The following CHRD variants were observed in gnomAD, a reference collection of about 807,000 sequenced individuals.
CHRD encodes chordin.
Under a neutral mutation model 113.7 loss-of-function variants are expected in CHRD, and 69 were observed. That is an observed-to-expected ratio of 0.61 (90% CI 0.50 to 0.74). The LOEUF is 0.74. CHRD is among the 30% of genes least tolerant of loss of function. The probability of loss-of-function intolerance (pLI) is 0.00; values close to 1 mark genes in which losing one functional copy is unlikely to be tolerated. For synonymous variants in CHRD, 561 were observed against 540.8 expected, an observed-to-expected ratio of 1.04 and a Z score of -0.52; for missense variants, 1,194 against 1,295.8, an observed-to-expected ratio of 0.92 and a Z score of 1.21.
At chr3:184,385,581 G>A (rs976293252) in intron 14 of CHRD, among the ~76,000 whole-genome samples, 3 of 146,546 alleles carry the variant, frequency 2.0e-5, no homozygotes, top group Non-Finnish European at 1.5e-5. Flanking sequence ...CAGGAGAATC[G>A]CTTGAACCTG....
Position 184,381,175 on chromosome 3 carries a change from G to C in CHRD, c.253-60G>C. On this transcript the variant is annotated intron_variant, in intron 2 of 22. Coordinates refer to ENST00000204604, the Ensembl canonical transcript of CHRD. The surrounding 1 kb of genome is among the most constrained non-coding windows in gnomAD (Gnocchi z 4.7). ...GACTCTGCGGGACATCCTTGCCTGG[G>C]GGGGTCTCATCAGTTGGCATCTTGC... is the stretch of plus-strand genomic sequence containing the variant. 6.2e-7 allele frequency: 1 copy of C among 1,600,564 alleles called. No homozygotes were observed. Among genetic ancestry groups the C allele is most frequent in the African/African-American group, 1.3e-5 (1 of 74,816 alleles).
At position 184,387,092 on chromosome 3, in the gene CHRD, C is replaced by T. The variant is rs763421267; in HGVS notation, c.2332C>T (p.Arg778Trp). Residue 778 changes from arginine to tryptophan, a missense_variant, in exon 18 of 23, where the codon CGG (arginine) becomes TGG (tryptophan). By Grantham distance (101) the Arg-to-Trp change is moderately radical. Transcript: ENST00000204604. This position sits in a 1 kb window ranked among gnomAD's most constrained non-coding sequence, Gnocchi z 6.1. ...AGACTTGCCAGGGCTGCCAAGGAGCCGGGACCCAGGAGAGGGTGAGCTGGA... is the reference window on the plus strand; with the variant it reads ...AGACTTGCCAGGGCTGCCAAGGAGCTGGGACCCAGGAGAGGGTGAGCTGGA... 48 of 1,613,822 alleles carry T rather than the reference C, an allele frequency of 3.0e-5. No individual in the cohort carries two copies. In the African/African-American group the frequency reaches 3.9e-4, roughly 13 times the overall value.
chr3:184,383,585 G>A, exon 12 of CHRD: 2 of 1,614,094 alleles, frequency 1.2e-6, no homozygotes, highest in Non-Finnish European at 1.7e-6. Flanking sequence ...AGCCTCAGCG[G>A]AGGGATCAGC....
At position 184,383,331 on chromosome 3, in the gene CHRD, T is replaced by TG; in HGVS notation, c.1237dup (p.Ala413GlyfsTer2). The TG allele has an allele frequency of 6.2e-7, 1 of 1,613,666 alleles. No homozygotes were observed. Among genetic ancestry groups the TG allele is most frequent in the Non-Finnish European group, 8.5e-7 (1 of 1,179,972 alleles). On this transcript the variant is annotated frameshift_variant, in exon 11 of 23. Coordinates refer to ENST00000204604, the Ensembl canonical transcript of CHRD. LOFTEE classifies it high-confidence loss of function. Reference sequence around the variant, plus strand: ...CCGTAGTCCTGCAAAGTGTCCTTTGTGGGGCTGATGCCCTGATCCCAGTCC... The same window carrying TG: ...CCGTAGTCCTGCAAAGTGTCCTTTGTGGGGGCTGATGCCCTGATCCCAGTCC...
Position 184,388,488 on chromosome 3 carries a change from T to G in CHRD, c.2555-99T>G. 2.2e-6 allele frequency: 3 copies of G among 1,373,656 alleles called. No individual in the cohort carries two copies. Among genetic ancestry groups the G allele is most frequent in the Non-Finnish European group, 3.0e-6 (3 of 1,014,602 alleles). 85.1% of individuals were successfully genotyped at this position (1,373,656 alleles called of 1,614,324 possible). On this transcript the variant is annotated intron_variant, in intron 20 of 22. Transcript: ENST00000204604. The surrounding 1 kb of genome is among the most constrained non-coding windows in gnomAD (Gnocchi z 6.1). ...CCACCCATCCAAATTTATCACCTACTAAGTGCCAGAAACTGCAACGTGCTG... is the reference window on the plus strand; with the variant it reads ...CCACCCATCCAAATTTATCACCTACGAAGTGCCAGAAACTGCAACGTGCTG...
In CHRD at chr3:184,380,213, G is replaced by T. The variant is rs1715045226; in HGVS notation, c.-106G>T. 1 of 78,708 alleles carries T rather than the reference G, an allele frequency of 1.3e-5. No individual in the cohort carries two copies. The allele number at this position is 78,708 out of a possible 1,614,324, so 4.9% of individuals were successfully genotyped here. A position where few individuals can be genotyped will look rare whatever the true frequency, so the allele number is the denominator to read the frequency against. On this transcript the variant is annotated 5_prime_UTR_variant, in exon 1 of 23. Coordinates refer to ENST00000204604, the Ensembl canonical transcript of CHRD. The surrounding 1 kb of genome is among the most constrained non-coding windows in gnomAD (Gnocchi z 6.3). ...GCCCCGGCCCCGGCCCCCTCCCGCCGCACCGCCCCCGGCCCGGCCCTCCGC... is the reference window on the plus strand; with the variant it reads ...GCCCCGGCCCCGGCCCCCTCCCGCCTCACCGCCCCCGGCCCGGCCCTCCGC...
At chr3:184,385,776 C>CT (rs1468937251) in intron 14 of CHRD, among the ~76,000 whole-genome samples, 1 of 143,998 alleles carries the variant, frequency 6.9e-6, no homozygotes, top group Non-Finnish European at 1.5e-5. Flanking sequence ...CTTTCTAAGT[C>CT]TTTTTTTGGT....
Position 184,381,207 on chromosome 3 carries a change from T to G in CHRD, c.253-28T>G. On this transcript the variant is annotated intron_variant, in intron 2 of 22. Transcript: ENST00000204604. This position sits in a 1 kb window ranked among gnomAD's most constrained non-coding sequence, Gnocchi z 4.7. ...TCATCAGTTGGCATCTTGCACTCAC[T>G]TGGGTTTCCCGCCTTTTCCGGGAGC... The G allele has an allele frequency of 6.2e-7, 1 of 1,612,580 alleles. No homozygotes were observed. The highest frequency in any genetic ancestry group is 8.5e-7 in the Non-Finnish European group (1 of 1,179,866).
chr3:184,388,004 A>C lies in CHRD; in HGVS notation c.2525A>C (p.Asn842Thr). The C allele has an allele frequency of 6.2e-7, 1 of 1,613,650 alleles. No homozygotes were observed. The highest frequency in any genetic ancestry group is 8.5e-7 in the Non-Finnish European group (1 of 1,179,926). Residue 842 changes from asparagine (N) to threonine (T), a missense_variant, in exon 20 of 23, where the codon AAC becomes ACC. Transcript: ENST00000204604. The surrounding 1 kb of genome is among the most constrained non-coding windows in gnomAD (Gnocchi z 6.1). ...GCCTGTGCCCAGCCTGTGCGTGTCA[A>C]CCCCACCGACTGCTGCAAACAGTGT...
chr3:184,385,950 A>G, intron 14 of CHRD, 96 bp from the exon 15 acceptor site: 1 of 1,288,500 alleles, frequency 7.8e-7, no homozygotes, highest in Non-Finnish European at 1.1e-6. Flanking sequence ...ACTTTATTTA[A>G]CCTCCCTGGC....
In CHRD at chr3:184,381,195, T is replaced by C; in HGVS notation, c.253-40T>C. On this transcript the variant is annotated intron_variant, in intron 2 of 22. Coordinates refer to ENST00000204604, the Ensembl canonical transcript of CHRD. This position sits in a 1 kb window ranked among gnomAD's most constrained non-coding sequence, Gnocchi z 4.7. ...CCTGGGGGGGTCTCATCAGTTGGCA[T>C]CTTGCACTCACTTGGGTTTCCCGCC... The C allele has an allele frequency of 1.2e-6, 2 of 1,611,668 alleles. No individual in the cohort carries two copies. The highest frequency in any genetic ancestry group is 1.7e-6 in the Non-Finnish European group (2 of 1,179,492).
Position 184,381,679 on chromosome 3 carries a change from G to T in CHRD, c.512-37G>T, listed in dbSNP as rs745846604. The T allele has an allele frequency of 6.2e-7, 1 of 1,608,704 alleles. No individual in the cohort carries two copies. The highest frequency in any genetic ancestry group is 8.5e-7 in the Non-Finnish European group (1 of 1,177,584). ...GTTGAGGCTGGGCCACCAAAGCGGC[G>T]TTTGACAGTGCTCAGGCCATCTTCC... On this transcript the variant is annotated intron_variant, in intron 4 of 22. Transcript: ENST00000204604. This position sits in a 1 kb window ranked among gnomAD's most constrained non-coding sequence, Gnocchi z 4.7.
In CHRD at chr3:184,387,419, G is replaced by A. The variant is rs147576679; in HGVS notation, c.2393G>A (p.Arg798Gln). ...CGGAGCTGGCGGGCAGCGGGTACGC[G>A]GTGGCACCCCGTTGTGCCCCCCTTT... The change falls in exon 19 of 23, where the codon CGG (arginine) becomes CAG (glutamine). Residue 798 changes from arginine to glutamine, a missense_variant. By Grantham distance (43) the Arg-to-Gln change is conservative. Coordinates refer to ENST00000204604, the Ensembl canonical transcript of CHRD. The surrounding 1 kb of genome is among the most constrained non-coding windows in gnomAD (Gnocchi z 6.1). The A allele has an allele frequency of 1.2e-5, 20 of 1,613,060 alleles. No individual in the cohort carries two copies. The highest frequency in any genetic ancestry group is 3.3e-5 in the South Asian group (3 of 90,932).
downstream of CHRD, chr3:184,390,215 TCC>T (rs1716967376): frequency 1.4e-4 from 2 of 14,718 alleles, no homozygotes; most frequent in Non-Finnish European, 2.7e-4. Context: ...TCCCCTCCCC[TCC>T]CCTCCCCTCC....
exon 11 of CHRD, chr3:184,383,365 G>A: frequency 6.2e-7 from 1 of 1,613,984 alleles, no homozygotes; most frequent in Admixed American, 1.7e-5. Flanking sequence ...CCAGACGGGT[G>A]CTGCCGGCTC....
At chr3:184,383,413 T>C (rs1278699888) in exon 11 of CHRD, 1 of 1,613,512 alleles carries the variant, frequency 6.2e-7, no homozygotes, top group East Asian at 2.2e-5. Context: ...CTCCCTGATC[T>C]ATCAGGTAAG....
rs1007017177 is a variant in CHRD at position 184,384,106 on chromosome 3, G to A, written c.1441-431G>A. ...GACATTTTTAGTGAGCCCCAGACTAGGGACTAGAGTACAAAGCAAATCATA... is the reference window on the plus strand; with the variant it reads ...GACATTTTTAGTGAGCCCCAGACTAAGGACTAGAGTACAAAGCAAATCATA... On this transcript the variant is annotated intron_variant, in intron 12 of 22. Coordinates refer to ENST00000204604, the Ensembl canonical transcript of CHRD. This position sits in a 1 kb window ranked among gnomAD's most constrained non-coding sequence, Gnocchi z 4.4. Among the ~76,000 whole-genome samples, 9 of 152,156 alleles carry A rather than the reference G, an allele frequency of 5.9e-5. No homozygotes were observed. The highest frequency in any genetic ancestry group is 1.0e-4 in the Non-Finnish European group (7 of 68,028).
At position 184,380,455 on chromosome 3, in the gene CHRD, G is replaced by A. The variant is rs771072986; in HGVS notation, c.137G>A (p.Arg46Gln). ...TCTGAGAAGGAGCCGCTGCCCGTTC[G>A]GGGAGCGGCAGGTAGGTGGGCGCCC... The change falls in exon 1 of 23, where the codon CGG (arginine) becomes CAG (glutamine). Residue 46 changes from arginine to glutamine, a missense_variant. Transcript: ENST00000204604. This position sits in a 1 kb window ranked among gnomAD's most constrained non-coding sequence, Gnocchi z 6.3. 8.2e-6 allele frequency: 10 copies of A among 1,220,174 alleles called. No homozygotes were observed. The South Asian group carries it at 2.6e-4, about 31-fold the overall frequency. The allele number at this position is 1,220,174 out of a possible 1,614,324, so 75.6% of individuals were successfully genotyped here.
chr3:184,387,189 G>A lies in CHRD; in HGVS notation c.2347+82G>A, dbSNP rs1175273525. On this transcript the variant is annotated intron_variant, in intron 18 of 22. Transcript: ENST00000204604. The surrounding 1 kb of genome is among the most constrained non-coding windows in gnomAD (Gnocchi z 6.1). ...CCAGGAGGGGGACAAGAAGGGGAGAGTATATAGGGGGTGGCCTGAGGGGCA... is the reference window on the plus strand; with the variant it reads ...CCAGGAGGGGGACAAGAAGGGGAGAATATATAGGGGGTGGCCTGAGGGGCA... The A allele has an allele frequency of 1.4e-6, 2 of 1,405,342 alleles. No homozygotes were observed. Among genetic ancestry groups the A allele is most frequent in the African/African-American group, 2.8e-5 (2 of 70,738 alleles). 87.1% of individuals were successfully genotyped at this position (1,405,342 alleles called of 1,614,324 possible).
Sources: gnomAD v4.1 joint callset for allele counts (sites outside exome capture counted in the v4.1 genomes callset) on GRCh38, gnomAD v4.1.1 for gene constraint, Gnocchi (gnomAD v3.1) non-coding constraint, MANE v1.5 for transcripts, NCBI Gene and HGNC (gene_info 2026-07-23, HGNC 2026-07-21) for gene names.